The following ZFAT variants were observed in gnomAD, a reference collection of about 807,000 sequenced individuals.
The protein encoded by ZFAT is zinc finger protein ZFAT.
Under a neutral mutation model 117.7 loss-of-function variants are expected in ZFAT, and 64 were observed. The ratio of observed to expected loss-of-function variants is 0.54; its 90% CI spans 0.44 to 0.67. The LOEUF is 0.67. Ranked by LOEUF, ZFAT falls within the 30% of genes least tolerant of loss-of-function variation. ZFAT has a pLI of 0.00. For synonymous variants in ZFAT, 679 were observed against 615.0 expected, an observed-to-expected ratio of 1.10 and a Z score of -1.54; for missense variants, 1,433 against 1,584.5, an observed-to-expected ratio of 0.90 and a Z score of 1.62.
At chr8:134,817,394 TACA>T in the ZFAT span, among the ~76,000 whole-genome samples, 350 of 126,064 alleles carry the variant, frequency 2.8e-3, 1 homozygote, top group African/African-American at 9.6e-3. Context: ...TCTCTCTCTC[TACA>T]CACACACACA....
chr8:134,713,109 C>T (rs987220982), upstream of ZFAT: 1 of 403,604 alleles, frequency 2.5e-6, no homozygotes, highest in Non-Finnish European at 4.3e-6. Flanking sequence ...TCCCCCGGCG[C>T]CGAGCGCGGC....
At chr8:134,713,518 G>T (rs113710672), upstream of ZFAT, among the ~76,000 whole-genome samples, 1 of 152,280 alleles carries the variant, frequency 6.6e-6, no homozygotes, top group South Asian at 2.1e-4. Context: ...TGGGCCACCC[G>T]GCTGGGTTTT....
At chr8:134,822,613 G>A in the ZFAT span, among the ~76,000 whole-genome samples, 2 of 152,078 alleles carry the variant, frequency 1.3e-5, no homozygotes, top group South Asian at 2.1e-4. Flanking sequence ...GAGAGCATAA[G>A]TGTGAGAAAG....
At chr8:134,480,099 C>CTATA (rs1817191100) in intron 15 of ZFAT, among the ~76,000 whole-genome samples, 1 of 152,006 alleles carries the variant, frequency 6.6e-6, no homozygotes, top group South Asian at 2.1e-4. Context: ...GTAGCTGGTA[C>CTATA]TATAGGTATG....
At chr8:134,548,791 T>C (rs373352029) in intron 11 of ZFAT, among the ~76,000 whole-genome samples, 6 of 152,164 alleles carry the variant, frequency 3.9e-5, no homozygotes, top group Admixed American at 6.5e-5. Context: ...CATTGACTTA[T>C]GGCCTCTTCC....
chr8:134,826,741 T>C, the ZFAT span, among the ~76,000 whole-genome samples: 1 of 152,240 alleles, frequency 6.6e-6, no homozygotes, highest in African/African-American at 2.4e-5. Flanking sequence ...AAGATAAATT[T>C]ATATTTCCCC....
intron 2 of ZFAT, among the ~76,000 whole-genome samples, chr8:134,655,540 C>A (rs760305300): frequency 2.2e-4 from 33 of 151,688 alleles, no homozygotes; most frequent in Middle Eastern, 3.4e-3. Context: ...CACAGCTACT[C>A]AGGTGGCTGA....
rs774907175 is a variant in ZFAT, at chr8:134,592,635, G to A, written c.2476-2280C>T. On this transcript the variant is annotated intron_variant, in intron 7 of 15. Coordinates refer to ENST00000377838, the MANE Select transcript of ZFAT (RefSeq NM_020863.4). ...TTTAGAATTGAGCCTCTCCTATAGT[G>A]AGTGCTCAATAAATCTGAAAGACTT... is the stretch of plus-strand genomic sequence containing the variant. Among the ~76,000 whole-genome samples, 5 of 152,306 alleles carry A rather than the reference G, an allele frequency of 3.3e-5. No homozygotes were observed. In the East Asian group the frequency reaches 9.7e-4, roughly 29 times the overall value.
chr8:134,683,485 GA>G (rs927912070), intron 1 of ZFAT, among the ~76,000 whole-genome samples: 4 of 152,208 alleles, frequency 2.6e-5, no homozygotes, highest in African/African-American at 9.7e-5. Flanking sequence ...GGAGCACCTG[GA>G]AGAGGTTTGT....
chr8:134,698,725 C>T (rs186796217), intron 1 of ZFAT, among the ~76,000 whole-genome samples: 152 of 152,226 alleles, frequency 1.0e-3, no homozygotes, highest in African/African-American at 3.4e-3. Context: ...GGGCACAGCA[C>T]CCTCCTGGCC....
intron 1 of ZFAT, among the ~76,000 whole-genome samples, chr8:134,680,338 G>T (rs557215483): frequency 6.6e-6 from 1 of 151,748 alleles, no homozygotes; most frequent in Admixed American, 6.6e-5. Context: ...CTGGATGATA[G>T]TTTGGCTAGA....
intron 1 of ZFAT, among the ~76,000 whole-genome samples, chr8:134,712,591 G>T (rs1264223521): frequency 6.6e-6 from 1 of 151,142 alleles, no homozygotes; most frequent in East Asian, 1.9e-4. Flanking sequence ...GGAAACGGCC[G>T]GGCGCATGCT....
chr8:134,519,691 C>T (rs1400819343), intron 13 of ZFAT, among the ~76,000 whole-genome samples: 2 of 152,160 alleles, frequency 1.3e-5, no homozygotes, highest in African/African-American at 4.8e-5. Flanking sequence ...TCTGGTCTAG[C>T]CACACTCACT....
chr8:134,489,327 G>A (rs1817886740), intron 15 of ZFAT, among the ~76,000 whole-genome samples: 1 of 151,988 alleles, frequency 6.6e-6, no homozygotes, highest in African/African-American at 2.4e-5. Context: ...GTCTATCTGA[G>A]CCCTGCCCAT....
intron 3 of ZFAT, among the ~76,000 whole-genome samples, chr8:134,621,007 C>T (rs1829070659): frequency 6.6e-6 from 1 of 151,998 alleles, no homozygotes; most frequent in African/African-American, 2.4e-5. Context: ...ACAGTTAATT[C>T]TAAGGTAGTA....
chr8:134,497,474 C>G, intron 15 of ZFAT, among the ~76,000 whole-genome samples: 2 of 140,052 alleles, frequency 1.4e-5, no homozygotes, highest in African/African-American at 5.5e-5. Context: ...TGGTTACACA[C>G]AGAGCCTGAT....
chr8:134,656,236 A>C (rs1233747170), intron 2 of ZFAT, among the ~76,000 whole-genome samples: 1 of 152,140 alleles, frequency 6.6e-6, no homozygotes, highest in Non-Finnish European at 1.5e-5. Flanking sequence ...ACCCCAAAGC[A>C]AAGGGTCTCA....
intron 15 of ZFAT, among the ~76,000 whole-genome samples, chr8:134,487,046 G>A (rs1335895806): frequency 3.9e-5 from 6 of 152,132 alleles, no homozygotes; most frequent in East Asian, 3.9e-4. Context: ...ATATGTCTAC[G>A]TGGATATCCA....
chr8:134,811,125 T>C, the ZFAT span, among the ~76,000 whole-genome samples: 3 of 152,150 alleles, frequency 2.0e-5, no homozygotes, highest in Non-Finnish European at 4.4e-5. Context: ...CAGTGAGATA[T>C]GTGAGTGGAA....
Sources: allele counts gnomAD v4.1 joint callset (sites outside exome capture counted in the v4.1 genomes callset), GRCh38; gene constraint gnomAD v4.1.1; transcripts MANE v1.5; gene names NCBI Gene and HGNC (gene_info 2026-07-23, HGNC 2026-07-21).